CDH9: variants seen among roughly 807,000 people sequenced by gnomAD.
CDH9 encodes cadherin-9.
CDH9 carries 28 observed loss-of-function variants against 70.9 expected under a neutral mutation model. The observed-to-expected ratio is 0.40, with a 90% CI of 0.29 to 0.54. The LOEUF (loss-of-function observed/expected upper bound fraction) is 0.54, where lower values mean the gene tolerates loss of function less well. Ranked by LOEUF, CDH9 falls within the 20% of genes least tolerant of loss-of-function variation. CDH9 has a pLI of 0.59. For missense variants in CDH9, 874 were observed against 984.4 expected (o/e 0.89, Z 1.50); for synonymous variants, 409 against 343.1 (o/e 1.19, Z -2.12).
At chr5:26,948,122 G>C (rs529079499) in intron 2 of CDH9, among the ~76,000 whole-genome samples, 1 of 152,060 alleles carries the variant, frequency 6.6e-6, no homozygotes, top group Non-Finnish European at 1.5e-5. Flanking sequence ...ATCAAAGGGA[G>C]ACTTAATTTA....
At chr5:26,960,678 T>C (rs1297507348) in intron 2 of CDH9, among the ~76,000 whole-genome samples, 1 of 151,988 alleles carries the variant, frequency 6.6e-6, no homozygotes, top group Non-Finnish European at 1.5e-5. Context: ...ATATACTAAA[T>C]AAATTTAGAT....
intron 2 of CDH9, among the ~76,000 whole-genome samples, chr5:26,947,022 T>C (rs1057182102): frequency 2.0e-5 from 3 of 152,312 alleles, no homozygotes; most frequent in Admixed American, 2.0e-4. Flanking sequence ...AACTTTTACC[T>C]GATACATAAT....
At chr5:26,898,225 T>A (rs10236540) in intron 7 of CDH9, among the ~76,000 whole-genome samples, 1 of 152,082 alleles carries the variant, frequency 6.6e-6, no homozygotes, top group Admixed American at 6.6e-5. Context: ...GAAGAATCAG[T>A]ATCGTGAAAA....
At chr5:27,033,469 T>C (rs1166664607) in intron 1 of CDH9, among the ~76,000 whole-genome samples, 1 of 150,646 alleles carries the variant, frequency 6.6e-6, no homozygotes, top group Non-Finnish European at 1.5e-5. Context: ...AAGACATAGA[T>C]AGACAGACAG....
intron 1 of CDH9, among the ~76,000 whole-genome samples, chr5:27,020,538 T>G (rs1743119748): frequency 6.6e-6 from 1 of 151,712 alleles, no homozygotes; most frequent in African/African-American, 2.4e-5. Flanking sequence ...TTATTTTAAG[T>G]GATGTTATTA....
intron 2 of CDH9, among the ~76,000 whole-genome samples, chr5:26,976,894 T>A (rs1161367408): frequency 6.6e-6 from 1 of 151,964 alleles, no homozygotes; most frequent in African/African-American, 2.4e-5. Flanking sequence ...TATTTTGTTA[T>A]CTGTATTATT....
At chr5:26,889,815 G>A (rs776285413) in intron 9 of CDH9, 21 bp downstream of exon 9, 4 of 1,462,734 alleles carry the variant, frequency 2.7e-6, no homozygotes, top group South Asian at 2.4e-5. Context: ...ATTCTTTTAA[G>A]TTTTTAATGA....
chr5:27,008,013 G>A (rs1742896811), intron 1 of CDH9, among the ~76,000 whole-genome samples: 3 of 152,038 alleles, frequency 2.0e-5, no homozygotes, highest in Admixed American at 6.6e-5. Flanking sequence ...ATTTTACATA[G>A]ACGTTATACA....
chr5:26,980,961 C>G (rs761459384), intron 2 of CDH9, among the ~76,000 whole-genome samples: 1 of 151,942 alleles, frequency 6.6e-6, no homozygotes, highest in Non-Finnish European at 1.5e-5. Context: ...TTAATTGAAC[C>G]ATAATATTAC....
chr5:26,902,287 T>G (rs1289199706), intron 7 of CDH9, among the ~76,000 whole-genome samples, 189 bp downstream of exon 7: 2 of 151,952 alleles, frequency 1.3e-5, no homozygotes, highest in Middle Eastern at 3.4e-3. Context: ...TCTCTGGAAG[T>G]GTTTGGTATT....
chr5:27,012,129 T>A (rs1370778399), intron 1 of CDH9, among the ~76,000 whole-genome samples: 2 of 151,940 alleles, frequency 1.3e-5, no homozygotes, highest in Non-Finnish European at 2.9e-5. Context: ...TTTCCTTACA[T>A]AAAATGGTAC....
intron 2 of CDH9, among the ~76,000 whole-genome samples, chr5:26,923,875 C>T (rs10035310): frequency 0.096 from 14,547 of 151,688 alleles, 880 homozygotes; most frequent in East Asian, 0.17. Flanking sequence ...ATGAAACCTA[C>T]GAAAACCTAC....
chr5:27,031,503 T>C (rs913152047), intron 1 of CDH9, among the ~76,000 whole-genome samples: 3 of 151,868 alleles, frequency 2.0e-5, no homozygotes, highest in Non-Finnish European at 4.4e-5. Flanking sequence ...AAGACATACA[T>C]AAGTCACATA....
chr5:26,970,438 G>A (rs966361013), intron 2 of CDH9, among the ~76,000 whole-genome samples: 1 of 151,980 alleles, frequency 6.6e-6, no homozygotes, highest in African/African-American at 2.4e-5. Flanking sequence ...TGAGAAATGT[G>A]AAGAAAAACA....
chr5:26,906,653 CT>C, intron 4 of CDH9, 65 bp downstream of exon 4: 1 of 1,534,904 alleles, frequency 6.5e-7, no homozygotes, highest in South Asian at 1.2e-5. Context: ...TTTTAAAAAT[CT>C]CTAAATTAAT....
At chr5:26,886,585 T>A (rs193056202) in intron 9 of CDH9, among the ~76,000 whole-genome samples, 5 of 152,166 alleles carry the variant, frequency 3.3e-5, no homozygotes, top group African/African-American at 1.2e-4. Flanking sequence ...GTCTGTACTA[T>A]CAGAAAGAAA....
chr5:27,012,706 A>T (rs1430780311), intron 1 of CDH9, among the ~76,000 whole-genome samples: 1 of 152,054 alleles, frequency 6.6e-6, no homozygotes. Flanking sequence ...CTTGGTTTCA[A>T]AGTGTAAAAA....
intron 2 of CDH9, among the ~76,000 whole-genome samples, chr5:26,924,012 G>A (rs1741293046): frequency 6.6e-6 from 1 of 151,442 alleles, no homozygotes; most frequent in Admixed American, 6.6e-5. Flanking sequence ...AGAAAACCAA[G>A]CCCAAAGTTA....
At chr5:26,983,898 T>C (rs1742445943) in intron 2 of CDH9, among the ~76,000 whole-genome samples, 1 of 152,078 alleles carries the variant, frequency 6.6e-6, no homozygotes, top group Non-Finnish European at 1.5e-5. Flanking sequence ...CCTATTCGAG[T>C]CCATTATTTT....
Sources: allele counts gnomAD v4.1 joint callset (sites outside exome capture counted in the v4.1 genomes callset), GRCh38; gene constraint gnomAD v4.1.1; transcripts MANE v1.5; gene names NCBI Gene and HGNC (gene_info 2026-07-23, HGNC 2026-07-21).